Variants in BRD4 observed in about 807,000 individuals in gnomAD.
BRD4 encodes the protein bromodomain containing 4.
In BRD4, 16 loss-of-function variants were observed where a neutral mutation model predicts 142.1. That is an observed-to-expected ratio of 0.11 (90% CI 0.08 to 0.17). The LOEUF (loss-of-function observed/expected upper bound fraction) is 0.17. Ranked by LOEUF, BRD4 falls within the 10% of genes least tolerant of loss-of-function variation. The pLI is 1.00. For synonymous variants in BRD4, 833 were observed against 707.5 expected (o/e 1.18, Z -2.82); for missense variants, 1,424 against 1,810.9 (o/e 0.79, Z 3.88).
At chr19:15,284,543 C>G (rs930422341) in intron 1 of BRD4, among the ~76,000 whole-genome samples, 4 of 152,196 alleles carry the variant, frequency 2.6e-5, no homozygotes, top group Non-Finnish European at 5.9e-5. Context: ...CCTAGGTAAA[C>G]AGGCCAAGGG....
intron 1 of BRD4, among the ~76,000 whole-genome samples, chr19:15,292,080 C>T (rs1029951486): frequency 2.6e-5 from 4 of 152,176 alleles, no homozygotes; most frequent in African/African-American, 9.7e-5. Context: ...GAATGATAGC[C>T]ACTCAGCTAA....
At chr19:15,258,644 T>A (rs901457183) in intron 7 of BRD4, among the ~76,000 whole-genome samples, 14 of 152,114 alleles carry the variant, frequency 9.2e-5, no homozygotes, top group Non-Finnish European at 1.9e-4. Flanking sequence ...CTTGCTCTGT[T>A]GCCCAGGGTG....
intron 11 of BRD4, chr19:15,249,418 G>A (rs979836242): frequency 8.6e-6 from 13 of 1,519,604 alleles, no homozygotes; most frequent in African/African-American, 2.7e-5. Flanking sequence ...GCACAAGAAC[G>A]GCACTGGAGA....
At chr19:15,306,961 G>C (rs1438850371) in intron 1 of BRD4, among the ~76,000 whole-genome samples, 2 of 151,970 alleles carry the variant, frequency 1.3e-5, no homozygotes, top group African/African-American at 4.8e-5. Flanking sequence ...CTCAATGCAG[G>C]GTCACCACAA....
chr19:15,322,858 C>G (rs1239371568), intron 1 of BRD4, among the ~76,000 whole-genome samples: 2 of 130,306 alleles, frequency 1.5e-5, no homozygotes, highest in Admixed American at 8.1e-5. Flanking sequence ...TAGAGAGAGA[C>G]TCTGTCTCCA....
chr19:15,253,688 G>C, intron 11 of BRD4: 2 of 1,598,460 alleles, frequency 1.3e-6, no homozygotes, highest in East Asian at 4.5e-5. Flanking sequence ...ACATCCACCA[G>C]AAACCAGCGA....
intron 7 of BRD4, among the ~76,000 whole-genome samples, chr19:15,259,141 T>C (rs1186092885): frequency 6.6e-6 from 1 of 152,066 alleles, no homozygotes; most frequent in Non-Finnish European, 1.5e-5. Context: ...GGTCCCAAAA[T>C]GACTCCAAGA....
chr19:15,252,733 G>A (rs1267486670), intron 11 of BRD4, among the ~76,000 whole-genome samples: 2 of 152,238 alleles, frequency 1.3e-5, no homozygotes, highest in Non-Finnish European at 2.9e-5. Flanking sequence ...ACGGCATTCT[G>A]CATGCAGTTG....
chr19:15,268,325 G>A (rs1374156717), intron 3 of BRD4: 3 of 152,916 alleles, frequency 2.0e-5, no homozygotes, highest in African/African-American at 7.2e-5. Context: ...CGAGCCGAAA[G>A]GTTTGGCTAC....
At chr19:15,320,564 A>G (rs1385452410) in intron 1 of BRD4, among the ~76,000 whole-genome samples, 2 of 152,152 alleles carry the variant, frequency 1.3e-5, no homozygotes, top group Non-Finnish European at 2.9e-5. Flanking sequence ...ATTTATTTAA[A>G]CTTTATATCT....
intron 11 of BRD4, among the ~76,000 whole-genome samples, chr19:15,245,381 C>A (rs1317983465): frequency 2.6e-5 from 4 of 151,574 alleles, no homozygotes; most frequent in Non-Finnish European, 5.9e-5. Flanking sequence ...GAGCCCACTC[C>A]GGGAGAAAAA....
At chr19:15,249,537 C>A (rs1000275670) in intron 11 of BRD4, among the ~76,000 whole-genome samples, 1 of 152,230 alleles carries the variant, frequency 6.6e-6, no homozygotes, top group Non-Finnish European at 1.5e-5. Context: ...CCGCCCCCAG[C>A]CTGCTCAGCT....
chr19:15,327,420 T>C (rs989631684), intron 1 of BRD4, among the ~76,000 whole-genome samples: 2 of 152,094 alleles, frequency 1.3e-5, no homozygotes, highest in African/African-American at 2.4e-5. Context: ...GGCAGGTGCC[T>C]GTAATCCCAA....
chr19:15,252,475 G>T (rs978029658), intron 11 of BRD4, among the ~76,000 whole-genome samples: 2 of 152,226 alleles, frequency 1.3e-5, no homozygotes, highest in African/African-American at 4.8e-5. Context: ...GGCTGGCATG[G>T]AAAGTGAAAA....
rs561844363 is a variant in BRD4 at position 15,249,069 on chromosome 19, T to A, written c.2159-4307A>T. On this transcript the variant is annotated intron_variant, in intron 11 of 19. Transcript: ENST00000679869. ...CTTTACACAGAGAGGCCTGGGCGGCTGGCCAGGCAGGCAGCCTTCCCGAAG... is the reference window on the plus strand; with the variant it reads ...CTTTACACAGAGAGGCCTGGGCGGCAGGCCAGGCAGGCAGCCTTCCCGAAG... 1.2e-3 allele frequency: 844 copies of A among 701,740 alleles called. No homozygotes were observed. The highest frequency in any genetic ancestry group is 1.7e-3 in the Middle Eastern group (5 of 3,000). The allele number at this position is 701,740 out of a possible 1,614,324, so 43.5% of individuals were successfully genotyped here.
At chr19:15,305,023 CTTTTTTTT>C (rs34235278) in intron 1 of BRD4, among the ~76,000 whole-genome samples, 2 of 126,418 alleles carry the variant, frequency 1.6e-5, no homozygotes, top group East Asian at 2.2e-4. Context: ...TTAAGACCAT[CTTTTTTTT>C]TTTTTTTTTT....
At chr19:15,310,487 A>C (rs1304125301) in intron 1 of BRD4, among the ~76,000 whole-genome samples, 1 of 150,360 alleles carries the variant, frequency 6.7e-6, no homozygotes, top group African/African-American at 2.4e-5. Flanking sequence ...CAGCTTCCTC[A>C]GTAGCTGGGA....
chr19:15,278,746 T>C (rs1327686183), intron 1 of BRD4, among the ~76,000 whole-genome samples: 8 of 151,950 alleles, frequency 5.3e-5, no homozygotes, highest in Non-Finnish European at 1.0e-4. Context: ...CGTTTAAGGA[T>C]GTTGTGAACC....
At chr19:15,292,207 G>C (rs915543337) in intron 1 of BRD4, among the ~76,000 whole-genome samples, 1 of 152,168 alleles carries the variant, frequency 6.6e-6, no homozygotes, top group Non-Finnish European at 1.5e-5. Context: ...CCACCCTGGT[G>C]TTCTCTGTAT....
Sources: allele counts gnomAD v4.1 joint callset (sites outside exome capture counted in the v4.1 genomes callset), GRCh38; gene constraint gnomAD v4.1.1; transcripts MANE v1.5; gene names NCBI Gene and HGNC (gene_info 2026-07-23, HGNC 2026-07-21).